Variants in GPHN observed in about 807,000 individuals in gnomAD.
GPHN encodes gephyrin.
Under a neutral mutation model 95.5 loss-of-function variants are expected in GPHN, and 17 were observed. The observed-to-expected ratio is 0.18, with a 90% CI of 0.12 to 0.27. GPHN has a LOEUF of 0.27. Among genes scored for constraint, GPHN ranks in the 10% least tolerant of loss-of-function variants. The pLI is 1.00. For synonymous variants in GPHN, 320 were observed against 322.5 expected (o/e 0.99, Z 0.08); for missense variants, 660 against 978.1 (o/e 0.67, Z 4.34).
the GPHN span, chr14:67,590,314 G>A: frequency 0.079 from 43,601 of 550,678 alleles, 2,114 homozygotes; most frequent in Middle Eastern, 0.1. Flanking sequence ...GTGCAGTGGC[G>A]CAATCTCGGC....
the GPHN span, among the ~76,000 whole-genome samples, chr14:67,513,287 T>A: frequency 2.0e-5 from 3 of 152,038 alleles, no homozygotes; most frequent in Non-Finnish European, 4.4e-5. Flanking sequence ...GGGAATTGAG[T>A]GAAATCAATC....
the GPHN span, among the ~76,000 whole-genome samples, chr14:67,370,121 C>T: frequency 1.3e-5 from 2 of 152,278 alleles, no homozygotes; most frequent in Non-Finnish European, 2.9e-5. Context: ...ACACAGATCA[C>T]TCATGCTTTT....
At chr14:67,572,097 T>G in the GPHN span, 3 of 1,583,826 alleles carry the variant, frequency 1.9e-6, no homozygotes, top group African/African-American at 2.7e-5. Context: ...GTCGGGGAGG[T>G]GTGGGACCCG....
Position 66,922,748 on chromosome 14 carries a change from A to G in GPHN, c.539A>G (p.His180Arg), listed in dbSNP as rs757382335. 1 of 1,613,702 alleles carries G rather than the reference A, an allele frequency of 6.2e-7. No homozygotes were observed. The highest frequency in any genetic ancestry group is 1.1e-5 in the South Asian group (1 of 91,060). The stretch of plus-strand genomic sequence containing the variant: ...GCCATTGTAAAAGTAAAGGAGGTGC[A>G]TGATGAACTTGAAGATTTGCCTTCC... Reference protein sequence around the residue: ...RDAIVKVKEVHDELEDLPSPP... With the variant: ...RDAIVKVKEVRDELEDLPSPP... The change falls in exon 7 of 23, where the codon CAT becomes CGT. Residue 180 changes from histidine (H) to arginine (R), a missense_variant. This residue lies in a region of GPHN where 190 missense variants were observed against 224.7 expected (regional missense o/e 0.85). Coordinates refer to ENST00000478722, the MANE Select transcript of GPHN (RefSeq NM_020806.5).
chr14:66,640,412 A>G (rs1165035077), intron 1 of GPHN, among the ~76,000 whole-genome samples: 2 of 152,138 alleles, frequency 1.3e-5, no homozygotes, highest in Admixed American at 6.5e-5. Flanking sequence ...GCAGAATGAG[A>G]CTCTGCCTCA....
chr14:66,905,559 T>A (rs1168775215), intron 5 of GPHN, among the ~76,000 whole-genome samples: 3 of 152,146 alleles, frequency 2.0e-5, no homozygotes, highest in Non-Finnish European at 4.4e-5. Context: ...CTTGTTTCGC[T>A]TTTTTGTGTT....
At chr14:66,858,284 G>T (rs937946906) in intron 4 of GPHN, among the ~76,000 whole-genome samples, 2 of 151,570 alleles carry the variant, frequency 1.3e-5, no homozygotes, top group Admixed American at 6.6e-5. Flanking sequence ...CTTGAGGAGA[G>T]GGAACAGTAA....
intron 1 of GPHN, among the ~76,000 whole-genome samples, chr14:66,583,226 G>A (rs1445810994): frequency 6.6e-6 from 1 of 152,090 alleles, no homozygotes. Context: ...ACTTTTTGAT[G>A]TGGTTGTTTG....
the GPHN span, among the ~76,000 whole-genome samples, chr14:67,425,816 G>A: frequency 6.6e-6 from 1 of 152,084 alleles, no homozygotes; most frequent in Non-Finnish European, 1.5e-5. Flanking sequence ...AACCACAGCG[G>A]TGGGCGTGTC....
At chr14:67,590,724 G>A in the GPHN span, among the ~76,000 whole-genome samples, 1 of 152,200 alleles carries the variant, frequency 6.6e-6, no homozygotes, top group Non-Finnish European at 1.5e-5. Flanking sequence ...AGCTCATGGA[G>A]TTAAGAAGTT....
At chr14:67,496,797 T>G in the GPHN span, among the ~76,000 whole-genome samples, 311 of 142,752 alleles carry the variant, frequency 2.2e-3, 4 homozygotes, top group African/African-American at 8.0e-3. Context: ...TGTCTTTCTT[T>G]CTTGCTTGCT....
At chr14:66,699,056 G>C (rs1407914649) in intron 2 of GPHN, among the ~76,000 whole-genome samples, 1 of 152,200 alleles carries the variant, frequency 6.6e-6, no homozygotes, top group Non-Finnish European at 1.5e-5. Context: ...GTAATGAAAA[G>C]AGTACTGAGC....
the GPHN span, among the ~76,000 whole-genome samples, chr14:67,372,111 T>C: frequency 6.6e-6 from 1 of 152,116 alleles, no homozygotes; most frequent in African/African-American, 2.4e-5. Context: ...TTGTTATCTC[T>C]CACTTCTTTT....
At chr14:67,237,272 C>G in the GPHN span, among the ~76,000 whole-genome samples, 1 of 151,940 alleles carries the variant, frequency 6.6e-6, no homozygotes, top group Non-Finnish European at 1.5e-5. Context: ...TATGAAAATT[C>G]TAAGTACTAA....
At chr14:67,705,302 A>C in the GPHN span, among the ~76,000 whole-genome samples, 1 of 152,360 alleles carries the variant, frequency 6.6e-6, no homozygotes, top group South Asian at 2.1e-4. Context: ...TCCATGTTTA[A>C]GACAATCAGT....
intron 1 of GPHN, among the ~76,000 whole-genome samples, chr14:66,566,855 G>T (rs562070552): frequency 1.8e-4 from 28 of 152,308 alleles, no homozygotes; most frequent in Non-Finnish European, 1.2e-4. Context: ...ACTTATCAGA[G>T]AGTTAGCTTC....
chr14:67,137,271 G>A (rs60375271), intron 17 of GPHN, among the ~76,000 whole-genome samples: 1 of 151,392 alleles, frequency 6.6e-6, no homozygotes, highest in African/African-American at 2.4e-5. Context: ...TCAGCCTCCC[G>A]AGTAGCTGGG....
At chr14:67,387,454 C>T in the GPHN span, 1 of 1,602,586 alleles carries the variant, frequency 6.2e-7, no homozygotes, top group Non-Finnish European at 8.5e-7. Flanking sequence ...TTCCCTTTAA[C>T]CCCTAGGCAG....
At chr14:67,086,932 G>A (rs573244791) in intron 11 of GPHN, among the ~76,000 whole-genome samples, 2 of 150,992 alleles carry the variant, frequency 1.3e-5, no homozygotes, top group Admixed American at 6.6e-5. Context: ...CAGCTACTCG[G>A]GAGGCTGAGG....
Sources: allele counts gnomAD v4.1 joint callset (sites outside exome capture counted in the v4.1 genomes callset), GRCh38; gene constraint gnomAD v4.1.1; regional missense constraint gnomAD v4.1.1; transcripts MANE v1.5; gene names NCBI Gene and HGNC (gene_info 2026-07-23, HGNC 2026-07-21).